The following IRAK1 variants were observed in gnomAD, a reference collection of about 807,000 sequenced individuals.
The protein encoded by IRAK1 is interleukin 1 receptor associated kinase 1, also known as interleukin-1 receptor-associated kinase 1.
IRAK1 carries 9 observed loss-of-function variants against 49.8 expected under a neutral mutation model. The ratio of observed to expected loss-of-function variants is 0.18; its 90% CI spans 0.11 to 0.32. The LOEUF (loss-of-function observed/expected upper bound fraction) is 0.32, where lower values mean the gene tolerates loss of function less well. IRAK1 is among the 10% of genes least tolerant of loss of function. The probability of loss-of-function intolerance (pLI) is 1.00; values close to 1 mark genes in which losing one functional copy is unlikely to be tolerated. For synonymous variants in IRAK1, 282 were observed against 270.8 expected (o/e 1.04, Z -0.41); for missense variants, 418 against 600.5 (o/e 0.70, Z 3.18).
In IRAK1 at chrX:154,019,238, G is replaced by C; in HGVS notation, c.395C>G (p.Pro132Arg). The part of the protein sequence containing the change: ...PAPAEAEAWS[P>R]RKLPSSASTF... ...GGAGGCTGAGGATGGCAACTTCCGG[G>C]GGCTCCAGGCCTCGGCCTCGGCGGG... Residue 132 changes from proline (P) to arginine (R), a missense_variant, in exon 3 of 14, where the codon CCC (proline) becomes CGC (arginine). Transcript: ENST00000369980. 1 of 1,209,520 alleles carries C rather than the reference G, an allele frequency of 8.3e-7. No individual in the cohort carries two copies.
intron 7 of IRAK1, 134 bp from the exon 8 acceptor site, chrX:154,017,201 C>T (rs782450157): frequency 3.1e-5 from 15 of 479,784 alleles, no homozygotes; most frequent in African/African-American, 3.1e-4. Context: ...TTCTGGAAAA[C>T]GAGGAGCAAA....
Position 154,010,737 on chromosome X carries a change from T to C in IRAK1, c.*1122A>G. The C allele has an allele frequency of 1.7e-5, 4 of 237,311 alleles. No homozygotes were observed. Among genetic ancestry groups the C allele is most frequent in the South Asian group, 1.4e-4 (3 of 22,095 alleles). The allele number at this position is 237,311 out of a possible 1,213,427, so 19.6% of individuals were successfully genotyped here. ...CCTGAAAATGTTTCCCTTCCCTGTC[T>C]GCCATGCTCCCAACTTTTCTGCCTT... is the stretch of plus-strand genomic sequence containing the variant. On this transcript the variant is annotated 3_prime_UTR_variant, in exon 14 of 14. Transcript: ENST00000369980.
In IRAK1 at chrX:154,017,010, C is replaced by T; in HGVS notation, c.967G>A (p.Ala323Thr). 2.5e-6 allele frequency: 3 copies of T among 1,211,412 alleles called. No individual in the cohort carries two copies. The African/African-American group carries it at 5.2e-5, about 21-fold the overall frequency. ...PQRLDILLGT[A>T]RAIQFLHQDS... ...TGATGTAGAAACTGAATTGCCCGGG[C>T]TGTACCCAGAAGGATGTCCAGTCGC... The change falls in exon 8 of 14, where the codon GCC becomes ACC. Residue 323 changes from alanine (A) to threonine (T), a missense_variant. Transcript: ENST00000369980.
Position 154,011,036 on chromosome X carries a change from G to C in IRAK1, c.*823C>G. On this transcript the variant is annotated 3_prime_UTR_variant, in exon 14 of 14. Coordinates refer to ENST00000369980, the MANE Select transcript of IRAK1 (RefSeq NM_001569.4). ...CTTTCTGGAGGATCTCAGAATTCTC[G>C]CTTCTTGCTAGGACTGAACCATGAG... 2.9e-6 allele frequency: 1 copy of C among 342,644 alleles called. No homozygotes were observed. Among genetic ancestry groups the C allele is most frequent in the South Asian group, 2.6e-5 (1 of 38,603 alleles). 28.2% of individuals were successfully genotyped at this position (342,644 alleles called of 1,213,427 possible).
chrX:154,015,896 T>C (rs782168618), intron 10 of IRAK1, 136 bp downstream of exon 10: 2 of 554,989 alleles, frequency 3.6e-6, no homozygotes, highest in Non-Finnish European at 6.4e-6. Flanking sequence ...GAGCCCTGCC[T>C]ACTTTCAAAA....
In IRAK1 at chrX:154,011,727, T is replaced by C; in HGVS notation, c.*132A>G. ...CAGAGCCTAGAACAGCAGGGCCACC[T>C]CCTTCTCTCCCCCGCGGGCATGGGC... On this transcript the variant is annotated 3_prime_UTR_variant, in exon 14 of 14. Transcript: ENST00000369980. 1.6e-6 allele frequency: 1 copy of C among 635,417 alleles called. No individual in the cohort carries two copies. 52.4% of individuals were successfully genotyped at this position (635,417 alleles called of 1,213,427 possible). A position where few individuals can be genotyped will look rare whatever the true frequency, so the allele number is the denominator to read the frequency against.
In IRAK1 at chrX:154,016,057, G is replaced by A. The variant is rs782768715; in HGVS notation, c.1277C>T (p.Thr426Met). ...ETLAGQRAVK[T>M]HGARTKYLKD... ...CAGATACTTGGTCCTGGCACCGTGC[G>A]TCTTCACAGCCCTCTGACCAGCCAA... The change falls in exon 10 of 14, where the codon ACG (threonine) becomes ATG (methionine). Residue 426 changes from threonine (T) to methionine (M), a missense_variant. Coordinates refer to ENST00000369980, the MANE Select transcript of IRAK1 (RefSeq NM_001569.4). 17 of 1,209,019 alleles carry A rather than the reference G, an allele frequency of 1.4e-5. No homozygotes were observed. The highest frequency in any genetic ancestry group is 1.8e-5 in the Non-Finnish European group (16 of 894,050).
In IRAK1 at chrX:154,011,008, C is replaced by T. The variant is rs1557127264; in HGVS notation, c.*851G>A. On this transcript the variant is annotated 3_prime_UTR_variant, in exon 14 of 14. Coordinates refer to ENST00000369980, the MANE Select transcript of IRAK1 (RefSeq NM_001569.4). ...CCCGAGGTTGGAGGTGGGTGCTGCT[C>T]GACTTTCTGGAGGATCTCAGAATTC... 2.9e-6 allele frequency: 1 copy of T among 342,726 alleles called. No homozygotes were observed. 28.2% of individuals were successfully genotyped at this position (342,726 alleles called of 1,213,427 possible).
intron 10 of IRAK1, among the ~76,000 whole-genome samples, chrX:154,014,879 G>C (rs2065727903): frequency 8.9e-6 from 1 of 111,877 alleles, no homozygotes; most frequent in Non-Finnish European, 1.9e-5. Context: ...GAGCCCCATG[G>C]AGCTGGGGTC....
rs1206351667 is a variant in IRAK1 at position 154,019,003 on chromosome X, G to A, written c.512C>T (p.Pro171Leu). Residue 171 changes from proline to leucine, a missense_variant, in exon 4 of 14, where the codon CCG (proline) becomes CTG (leucine). Physicochemically the swap from Pro to Leu is moderately conservative, Grantham distance 98 (BLOSUM62 -3). Around this residue, in one of 3 missense-constraint regions of IRAK1, gnomAD observed 377 missense variants for 499.5 expected, o/e 0.75. Transcript: ENST00000369980. The part of the protein sequence containing the change: ...VPSPASLWPP[P>L]PSPAPSSTKP... ...GGTAGAAGAAGGGGCTGGAGATGGC[G>A]GTGGAGGCCACAGGGAAGCAGGGCT... The A allele has an allele frequency of 1.1e-5, 13 of 1,205,772 alleles. No individual in the cohort carries two copies. The highest frequency in any genetic ancestry group is 1.3e-5 in the Non-Finnish European group (12 of 892,189).
At chrX:154,016,204 G>T in intron 9 of IRAK1, 107 bp from the exon 10 acceptor site, 1 of 708,182 alleles carries the variant, frequency 1.4e-6, no homozygotes, top group African/African-American at 2.1e-5. Flanking sequence ...GGCAGAGCCA[G>T]ATGTTATGGG....
Position 154,018,102 on chromosome X carries a change from A to G in IRAK1, c.813T>C (p.Ile271=). Residue 271 remains isoleucine (I), a synonymous_variant, in exon 7 of 14, where the codon ATT becomes ATC. Transcript: ENST00000369980. ...GAGCACAGTAGCCAGCAAAGTCCAC[A>G]ATGTTTGGGTGACGAAACCTGTTTG... The part of the protein sequence containing the change: ...EQLSRFRHPN[I]VDFAGYCAQN... The G allele has an allele frequency of 2.5e-6, 3 of 1,208,025 alleles. No individual in the cohort carries two copies. Among genetic ancestry groups the G allele is most frequent in the Non-Finnish European group, 3.4e-6 (3 of 891,765 alleles).
chrX:154,018,120 C>T lies in IRAK1; in HGVS notation c.795G>A (p.Arg265=). ...AGTCCACAATGTTTGGGTGACGAAACCTGTTTGAAAAAGGGGAGCACTTTC... is the reference window on the plus strand; with the variant it reads ...AGTCCACAATGTTTGGGTGACGAAATCTGTTTGAAAAAGGGGAGCACTTTC... The part of the protein sequence containing the change: ...SFLTEVEQLS[R]FRHPNIVDFA... Residue 265 remains arginine (R), a splice_region_variant and synonymous_variant, in exon 7 of 14, where the codon AGG becomes AGA. Transcript: ENST00000369980. The T allele has an allele frequency of 8.3e-7, 1 of 1,198,013 alleles. No homozygotes were observed.
chrX:154,015,496 A>G (rs1309891228), intron 10 of IRAK1, among the ~76,000 whole-genome samples: 2 of 112,645 alleles, frequency 1.8e-5, no homozygotes, highest in Admixed American at 9.3e-5. Context: ...TGTTTTGCAT[A>G]TGGGAAAACA....
chrX:154,011,258 A>T lies in IRAK1; in HGVS notation c.*601T>A, dbSNP rs983774311. 2 of 258,484 alleles carry T rather than the reference A, an allele frequency of 7.7e-6. No individual in the cohort carries two copies. Among genetic ancestry groups the T allele is most frequent in the Non-Finnish European group, 1.5e-5 (2 of 137,026 alleles). The allele number at this position is 258,484 out of a possible 1,213,427, so 21.3% of individuals were successfully genotyped here. A position where few individuals can be genotyped will look rare whatever the true frequency, so the allele number is the denominator to read the frequency against. ...CGCTACCACGCCAGGCTAATAGTTT[A>T]AAAAATTTTTTGGCAGAGACAGGGT... On this transcript the variant is annotated 3_prime_UTR_variant, in exon 14 of 14. Transcript: ENST00000369980.
chrX:154,014,804 T>C (rs2065727331), intron 10 of IRAK1, among the ~76,000 whole-genome samples: 1 of 111,877 alleles, frequency 8.9e-6, no homozygotes, highest in African/African-American at 3.3e-5. Context: ...CTCTGGGCCC[T>C]AGGGATACAG....
rs2075595 is a variant in IRAK1, at chrX:154,018,566, C to T, written c.729+33G>A. ...GAAGTGGTGAGGGTTATCTGATGGC[C>T]TTCCAGGGTCCCTGCCAGGGTGCGA... is the stretch of plus-strand genomic sequence containing the variant. On this transcript the variant is annotated intron_variant, in intron 5 of 13. Coordinates refer to ENST00000369980, the MANE Select transcript of IRAK1 (RefSeq NM_001569.4). The T allele has an allele frequency of 1.3e-3, 1,502 of 1,131,977 alleles. 43 individuals carry two copies. In the East Asian group the frequency reaches 0.044, roughly 33 times the overall value. The allele number at this position is 1,131,977 out of a possible 1,213,427, so 93.3% of individuals were successfully genotyped here. A position where few individuals can be genotyped will look rare whatever the true frequency, so the allele number is the denominator to read the frequency against.
intron 13 of IRAK1, among the ~76,000 whole-genome samples, chrX:154,012,221 A>G (rs1557127695): frequency 8.9e-6 from 1 of 112,550 alleles, no homozygotes; most frequent in African/African-American, 3.2e-5. Context: ...GAGGGTTCCT[A>G]AGCAGTGGTT....
At chrX:154,013,533 C>T in intron 11 of IRAK1, 100 bp from the exon 12 acceptor site, 1 of 822,055 alleles carries the variant, frequency 1.2e-6, no homozygotes. Flanking sequence ...CGTGACCTGC[C>T]CCAGGGCTCT....
Sources: allele counts gnomAD v4.1 joint callset (sites outside exome capture counted in the v4.1 genomes callset), GRCh38; gene constraint gnomAD v4.1.1; regional missense constraint gnomAD v4.1.1; transcripts MANE v1.5; gene names NCBI Gene and HGNC (gene_info 2026-07-23, HGNC 2026-07-21).